Variants in CNOT10 observed in about 807,000 individuals in gnomAD.
The protein encoded by CNOT10 is CCR4-NOT transcription complex subunit 10, also known as CCR4-NOT transcription complex, subunit 10.
A neutral mutation model predicts 94.6 loss-of-function variants in CNOT10; 30 were observed. The observed-to-expected ratio is 0.32, with a 90% CI of 0.24 to 0.43. CNOT10 has a LOEUF of 0.43. Ranked by LOEUF, CNOT10 falls within the 20% of genes least tolerant of loss-of-function variation. CNOT10 has a pLI of 1.00. For synonymous variants in CNOT10, 289 were observed against 301.6 expected (o/e 0.96, Z 0.43); for missense variants, 759 against 877.2 (o/e 0.87, Z 1.70).
chr3:32,737,680 G>A (rs1034837312), intron 13 of CNOT10, among the ~76,000 whole-genome samples, 190 bp downstream of exon 13: 3 of 151,942 alleles, frequency 2.0e-5, no homozygotes, highest in Non-Finnish European at 4.4e-5. Flanking sequence ...AAAATTAACC[G>A]GGCGTGGTGG....
intron 8 of CNOT10, among the ~76,000 whole-genome samples, chr3:32,724,168 T>C (rs1057115902): frequency 2.0e-5 from 3 of 151,760 alleles, no homozygotes; most frequent in African/African-American, 7.3e-5. Flanking sequence ...GATGCTTAGC[T>C]GCAGTGGTAT....
chr3:32,755,531 T>A (rs1419171281), intron 13 of CNOT10, among the ~76,000 whole-genome samples: 1 of 151,802 alleles, frequency 6.6e-6, no homozygotes, highest in Non-Finnish European at 1.5e-5. Flanking sequence ...TTTCAAATGT[T>A]TGCTGTGAGG....
intron 15 of CNOT10, among the ~76,000 whole-genome samples, chr3:32,763,766 C>T (rs1183885665): frequency 2.6e-5 from 4 of 152,130 alleles, no homozygotes; most frequent in Non-Finnish European, 5.9e-5. Flanking sequence ...AATGGAATCT[C>T]CACTACATGA....
intron 15 of CNOT10, chr3:32,764,163 C>T (rs1700564806): frequency 6.5e-6 from 2 of 309,974 alleles, no homozygotes; most frequent in Admixed American, 5.0e-5. Flanking sequence ...ATGGTGAAAC[C>T]CCGTCTCTAC....
rs17849684 is a variant in CNOT10, at chr3:32,773,582, C to T, written c.2206C>T (p.Pro736Ser). The T allele has an allele frequency of 1.2e-6, 2 of 1,613,910 alleles. No individual in the cohort carries two copies. The highest frequency in any genetic ancestry group is 8.5e-7 in the Non-Finnish European group (1 of 1,179,936). The part of the protein sequence containing the change: ...PVHPIQPIQM[P>S]AFTTVQRK ...CCACCCGATCCAGCCCATCCAAATG[C>T]CGGCTTTCACCACTGTGCAGAGAAA... The change falls in exon 19 of 19, where the codon CCG (proline) becomes TCG (serine). Residue 736 changes from proline (P) to serine (S), a missense_variant. Around this residue, in one of 3 missense-constraint regions of CNOT10, gnomAD observed 73 missense variants for 61.0 expected, o/e 1.20. Transcript: ENST00000328834.
At chr3:32,703,831 T>C (rs776522362) in intron 1 of CNOT10, 37 bp from the exon 2 acceptor site, 46 of 1,493,110 alleles carry the variant, frequency 3.1e-5, no homozygotes, top group Non-Finnish European at 3.6e-5. Context: ...TGTACAACTT[T>C]TATTTCTAAA....
chr3:32,757,329 G>A (rs1007022453), intron 13 of CNOT10, among the ~76,000 whole-genome samples: 5 of 151,528 alleles, frequency 3.3e-5, no homozygotes, highest in Non-Finnish European at 5.9e-5. Flanking sequence ...ACAGGCATGC[G>A]CCACCACACC....
intron 14 of CNOT10, among the ~76,000 whole-genome samples, chr3:32,759,783 C>T (rs965107985): frequency 2.0e-5 from 3 of 152,138 alleles, no homozygotes; most frequent in Non-Finnish European, 4.4e-5. Context: ...AAACTTCGGA[C>T]TCTAGTGTCC....
intron 6 of CNOT10, among the ~76,000 whole-genome samples, 198 bp from the exon 7 acceptor site, chr3:32,716,956 T>C (rs887437061): frequency 2.0e-5 from 3 of 152,192 alleles, no homozygotes; most frequent in Non-Finnish European, 2.9e-5. Context: ...GCTAAGTTTT[T>C]ATTCTACCGT....
intron 2 of CNOT10, among the ~76,000 whole-genome samples, chr3:32,704,548 T>C (rs1697524441): frequency 6.6e-6 from 1 of 152,094 alleles, no homozygotes; most frequent in African/African-American, 2.4e-5. Context: ...TAGCACTATA[T>C]GTATATGCCA....
intron 18 of CNOT10, among the ~76,000 whole-genome samples, chr3:32,772,690 C>T (rs1406487094): frequency 1.3e-5 from 2 of 152,070 alleles, no homozygotes; most frequent in Admixed American, 6.6e-5. Flanking sequence ...GAACAAGACT[C>T]TGTCTCAAAA....
chr3:32,716,147 A>C, intron 5 of CNOT10, 78 bp from the exon 6 acceptor site: 1 of 732,912 alleles, frequency 1.4e-6, no homozygotes, highest in South Asian at 2.2e-5. Context: ...AATTTAGATT[A>C]GCTCACTTGG....
intron 10 of CNOT10, among the ~76,000 whole-genome samples, chr3:32,732,463 G>A (rs1337913987): frequency 6.6e-6 from 1 of 152,050 alleles, no homozygotes; most frequent in Non-Finnish European, 1.5e-5. Context: ...ACCTGTACCT[G>A]TAGTCCCAGC....
At chr3:32,742,962 G>T (rs1476479150) in intron 13 of CNOT10, among the ~76,000 whole-genome samples, 17 of 147,488 alleles carry the variant, frequency 1.2e-4, no homozygotes, top group Non-Finnish European at 2.2e-4. Flanking sequence ...AGTTTTACAA[G>T]TTTACTTGAA....
intron 1 of CNOT10, among the ~76,000 whole-genome samples, chr3:32,698,146 T>C (rs1697165465): frequency 1.3e-5 from 2 of 152,368 alleles, no homozygotes; most frequent in South Asian, 2.1e-4. Context: ...CTCATTGTTA[T>C]TGGCTTTCCA....
chr3:32,769,667 C>T (rs1453257353), intron 17 of CNOT10: 4 of 492,034 alleles, frequency 8.1e-6, no homozygotes, highest in Non-Finnish European at 1.5e-5. Flanking sequence ...GGTGTCCAGT[C>T]ACCCATCTCA....
chr3:32,719,288 C>T (rs555118303), intron 7 of CNOT10, among the ~76,000 whole-genome samples: 2 of 152,034 alleles, frequency 1.3e-5, no homozygotes, highest in African/African-American at 2.4e-5. Context: ...GGCATGGTGG[C>T]GCATGCCTGT....
chr3:32,687,465 T>TTTTTTTTTTA (rs1361507074), intron 1 of CNOT10, among the ~76,000 whole-genome samples: 2 of 123,644 alleles, frequency 1.6e-5, no homozygotes, highest in African/African-American at 5.7e-5. Flanking sequence ...TTTTTTTTTT[T>TTTTTTTTTTA]TTTTGAGACG....
intron 3 of CNOT10, among the ~76,000 whole-genome samples, 173 bp downstream of exon 3, chr3:32,705,145 G>T (rs1373454824): frequency 6.6e-6 from 1 of 152,092 alleles, no homozygotes. Context: ...AAGGTATGTT[G>T]TGGGATCATT....
Sources: gnomAD v4.1 joint callset for allele counts (sites outside exome capture counted in the v4.1 genomes callset) on GRCh38, gnomAD v4.1.1 for gene constraint, gnomAD v4.1.1 regional missense constraint, MANE v1.5 for transcripts, NCBI Gene and HGNC (gene_info 2026-07-23, HGNC 2026-07-21) for gene names.